Variants in DSCAM observed in about 807,000 individuals in gnomAD.
The protein encoded by DSCAM is cell adhesion molecule DSCAM.
Under a neutral mutation model 217.7 loss-of-function variants are expected in DSCAM, and 47 were observed. The observed-to-expected ratio is 0.22, with a 90% confidence interval of 0.17 to 0.28. The LOEUF (loss-of-function observed/expected upper bound fraction) is 0.28, where lower values mean the gene tolerates loss of function less well. DSCAM is among the 10% of genes least tolerant of loss of function. DSCAM has a pLI of 1.00. For synonymous variants in DSCAM, 1,056 were observed against 1,015.3 expected (o/e 1.04, Z -0.76); for missense variants, 2,080 against 2,618.3 (o/e 0.79, Z 4.49).
chr21:40,124,858 T>C (rs1444624073), intron 19 of DSCAM, among the ~76,000 whole-genome samples: 1 of 152,208 alleles, frequency 6.6e-6, no homozygotes, highest in African/African-American at 2.4e-5. Context: ...CAGTCAGTTC[T>C]AGTCCCTCTT....
intron 3 of DSCAM, among the ~76,000 whole-genome samples, chr21:40,435,742 T>C (rs958289187): frequency 6.6e-6 from 1 of 152,266 alleles, no homozygotes; most frequent in African/African-American, 2.4e-5. Context: ...CACTGATCTC[T>C]ATGCCTATCC....
At chr21:40,316,285 CATT>C (rs1405200231) in intron 8 of DSCAM, among the ~76,000 whole-genome samples, 1 of 152,200 alleles carries the variant, frequency 6.6e-6, no homozygotes, top group African/African-American at 2.4e-5. Context: ...CACATTACAT[CATT>C]GTTAATGTAA....
chr21:40,177,793 A>G (rs1262870649), intron 15 of DSCAM, among the ~76,000 whole-genome samples: 3 of 152,340 alleles, frequency 2.0e-5, no homozygotes, highest in African/African-American at 7.2e-5. Context: ...AGCTCCATTT[A>G]TATTTGGGAT....
At position 40,087,192 on chromosome 21, in the gene DSCAM, C is replaced by T; in HGVS notation, c.3946G>A (p.Ala1316Thr). The change falls in exon 22 of 33, where the codon GCA becomes ACA. Residue 1316 changes from alanine to threonine, a missense_variant. Physicochemically the swap from Ala to Thr is moderately conservative, Grantham distance 58. This residue lies in a region of DSCAM where 1,144 missense variants were observed against 1,421.1 expected (regional missense o/e 0.81). Transcript: ENST00000400454. ...PCKAVGDPSP[A>T]VKWMKDSNGT... The stretch of plus-strand genomic sequence containing the variant: ...TACCTGTCTTTCATCCATTTGACTG[C>T]AGGAGAAGGGTCCCCAACAGCCTTA... 1 of 1,613,772 alleles carries T rather than the reference C, an allele frequency of 6.2e-7. No homozygotes were observed.
At chr21:40,673,252 G>C (rs552222583) in intron 3 of DSCAM, among the ~76,000 whole-genome samples, 1 of 151,138 alleles carries the variant, frequency 6.6e-6, no homozygotes, top group South Asian at 2.1e-4. Flanking sequence ...TGGCTGTGAT[G>C]GTGTCTTGTT....
rs2088079210 is a variant in DSCAM, at chr21:40,012,723, C to G, written c.*311G>C. On this transcript the variant is annotated 3_prime_UTR_variant, in exon 33 of 33. Coordinates refer to ENST00000400454, the MANE Select transcript of DSCAM (RefSeq NM_001389.5). ...CCTCTTGTGTGATAGAACTTCCAGTCAGAAGGTTTAATTAATCCCCCCCAT... is the reference window on the plus strand; with the variant it reads ...CCTCTTGTGTGATAGAACTTCCAGTGAGAAGGTTTAATTAATCCCCCCCAT... 5.7e-6 allele frequency: 1 copy of G among 174,830 alleles called. No individual in the cohort carries two copies. The highest frequency in any genetic ancestry group is 2.5e-5 in the African/African-American group (1 of 40,686). The allele number at this position is 174,830 out of a possible 1,614,324, so 10.8% of individuals were successfully genotyped here. A position where few individuals can be genotyped will look rare whatever the true frequency, so the allele number is the denominator to read the frequency against.
intron 11 of DSCAM, among the ~76,000 whole-genome samples, chr21:40,262,007 TTC>T (rs138264638): frequency 5.1e-4 from 77 of 151,054 alleles, no homozygotes; most frequent in African/African-American, 1.7e-3. Context: ...AACTTGAGTG[TTC>T]TCTCTCTCTC....
At chr21:40,530,292 T>C (rs2076433032) in intron 3 of DSCAM, among the ~76,000 whole-genome samples, 1 of 152,236 alleles carries the variant, frequency 6.6e-6, no homozygotes. Context: ...ACAGATTTGA[T>C]AAGCTCTCTT....
intron 3 of DSCAM, among the ~76,000 whole-genome samples, chr21:40,547,641 CAA>C (rs2146147362): frequency 6.6e-6 from 1 of 152,190 alleles, no homozygotes; most frequent in South Asian, 2.1e-4. Flanking sequence ...TGCACAAGTA[CAA>C]AGACACCGGT....
chr21:40,628,992 C>T (rs368253194), intron 3 of DSCAM, among the ~76,000 whole-genome samples: 5 of 152,012 alleles, frequency 3.3e-5, no homozygotes, highest in Admixed American at 3.3e-4. Flanking sequence ...AGCAATCTGC[C>T]GGCCTCGGCC....
At chr21:40,846,281 G>A (rs1296769075) in intron 1 of DSCAM, among the ~76,000 whole-genome samples, 1 of 152,066 alleles carries the variant, frequency 6.6e-6, no homozygotes. Context: ...AATATTCAAA[G>A]TGGCAATCTT....
chr21:40,592,858 T>C (rs182697037), intron 3 of DSCAM, among the ~76,000 whole-genome samples: 110 of 152,332 alleles, frequency 7.2e-4, no homozygotes, highest in African/African-American at 2.5e-3. Context: ...TTCTAACTTA[T>C]TGCTGTCCCC....
At chr21:40,196,180 G>A (rs1188685832) in intron 11 of DSCAM, among the ~76,000 whole-genome samples, 3 of 152,164 alleles carry the variant, frequency 2.0e-5, no homozygotes, top group African/African-American at 7.2e-5. Flanking sequence ...GTTAGGTGGT[G>A]CCTGGGGTAG....
intron 1 of DSCAM, among the ~76,000 whole-genome samples, chr21:40,741,427 T>C (rs1252867622): frequency 6.6e-6 from 1 of 152,122 alleles, no homozygotes; most frequent in Non-Finnish European, 1.5e-5. Context: ...CTATGCACAC[T>C]AAAGGAACTT....
intron 3 of DSCAM, among the ~76,000 whole-genome samples, chr21:40,386,542 C>T (rs530285585): frequency 9.7e-4 from 148 of 152,328 alleles, no homozygotes; most frequent in African/African-American, 3.4e-3. Flanking sequence ...GAGAGCTCCA[C>T]GGCACGCGTG....
intron 1 of DSCAM, among the ~76,000 whole-genome samples, chr21:40,815,560 G>A (rs559808329): frequency 4.6e-5 from 7 of 152,156 alleles, no homozygotes; most frequent in East Asian, 1.9e-4. Flanking sequence ...CTGTGATTAC[G>A]TCCGTTTTCC....
intron 3 of DSCAM, among the ~76,000 whole-genome samples, chr21:40,545,524 C>A (rs971062308): frequency 6.6e-6 from 1 of 152,122 alleles, no homozygotes; most frequent in Admixed American, 6.5e-5. Flanking sequence ...CCAGAAATGT[C>A]ATGGGAAACC....
chr21:40,766,685 A>C (rs914234977), intron 1 of DSCAM, among the ~76,000 whole-genome samples: 2 of 122,110 alleles, frequency 1.6e-5, no homozygotes, highest in Non-Finnish European at 3.2e-5. Flanking sequence ...AAAAAAAAAA[A>C]AAACAACTTT....
At chr21:40,824,990 G>A (rs1241492624) in intron 1 of DSCAM, among the ~76,000 whole-genome samples, 1 of 152,226 alleles carries the variant, frequency 6.6e-6, no homozygotes, top group Non-Finnish European at 1.5e-5. Flanking sequence ...CGACATGGTG[G>A]TCATTATTGG....
Sources: gnomAD v4.1 joint callset for allele counts (sites outside exome capture counted in the v4.1 genomes callset) on GRCh38, gnomAD v4.1.1 for gene constraint, gnomAD v4.1.1 regional missense constraint, MANE v1.5 for transcripts, NCBI Gene and HGNC (gene_info 2026-07-23, HGNC 2026-07-21) for gene names.